The following RREB1 variants were observed in gnomAD, a reference collection of about 807,000 sequenced individuals.
RREB1 encodes ras-responsive element-binding protein 1.
A neutral mutation model predicts 117.8 loss-of-function variants in RREB1; 27 were observed. The ratio of observed to expected loss-of-function variants is 0.23; its 90% confidence interval spans 0.17 to 0.32. The LOEUF is 0.32. Ranked by LOEUF, RREB1 falls within the 10% of genes least tolerant of loss-of-function variation. The pLI is 1.00. For missense variants in RREB1, 2,577 were observed against 2,378.2 expected (o/e 1.08, Z -1.74); for synonymous variants, 1,298 against 1,026.7 (o/e 1.26, Z -5.05).
At chr6:7,223,589 C>CAGG (rs558159186) in intron 8 of RREB1, among the ~76,000 whole-genome samples, 108 of 125,358 alleles carry the variant, frequency 8.6e-4, no homozygotes, top group African/African-American at 3.3e-3. Context: ...GAAGAGTATT[C>CAGG]AGGAAGATCT....
rs114464722 is a variant in RREB1 at position 7,207,779 on chromosome 6, A to G, written c.426-3025A>G. Among the ~76,000 whole-genome samples the G allele has an allele frequency of 3.6e-3, 552 of 152,340 alleles. 1 individual carries two copies. The highest frequency in any genetic ancestry group is 0.017 in the Middle Eastern group (5 of 294). ...TTCACTTTTGAAAAGAGAACGCATT[A>G]CAGAAACGCAGTAGTCCTCTTACAC... On this transcript the variant is annotated intron_variant, in intron 6 of 12. Coordinates refer to ENST00000379938, the MANE Select transcript of RREB1 (RefSeq NM_001003699.4).
intron 1 of RREB1, among the ~76,000 whole-genome samples, chr6:7,169,525 C>A (rs986762212): frequency 6.6e-6 from 1 of 152,236 alleles, no homozygotes; most frequent in African/African-American, 2.4e-5. Context: ...CTCAACTCTT[C>A]CCACAGCTGA....
chr6:7,141,783 G>T (rs1364674700), intron 1 of RREB1, among the ~76,000 whole-genome samples: 1 of 152,254 alleles, frequency 6.6e-6, no homozygotes, highest in Non-Finnish European at 1.5e-5. Context: ...AACCTGGAAG[G>T]AGCGGGGCGT....
intron 1 of RREB1, among the ~76,000 whole-genome samples, chr6:7,137,104 G>A (rs1383807312): frequency 1.3e-5 from 2 of 152,232 alleles, no homozygotes; most frequent in East Asian, 3.8e-4. Context: ...AACATGGGGA[G>A]TTCCCTCCCC....
chr6:7,150,348 G>A (rs566802614), intron 1 of RREB1, among the ~76,000 whole-genome samples: 8 of 152,260 alleles, frequency 5.3e-5, no homozygotes, highest in Middle Eastern at 3.4e-3. Flanking sequence ...TTGCTGTAAC[G>A]CATGGTTAAC....
chr6:7,210,598 G>A (rs183647590), intron 6 of RREB1, among the ~76,000 whole-genome samples: 1 of 152,212 alleles, frequency 6.6e-6, no homozygotes, highest in African/African-American at 2.4e-5. Context: ...ATTAAGCAAC[G>A]CTTTTGGACA....
rs1466093215 is a variant in RREB1 at position 7,231,606 on chromosome 6, G to T, written c.3507G>T (p.Gly1169=). Residue 1169 remains glycine, a synonymous_variant, in exon 10 of 13, where the codon GGG becomes GGT. Transcript: ENST00000379938. ...MRSRPRANSG[G]VDLDSSGEFA... Reference sequence around the variant, plus strand: ...GCCGACCCCGCGCCAACAGCGGCGGGGTGGACCTGGACTCCAGCGGGGAGT... The same window carrying T: ...GCCGACCCCGCGCCAACAGCGGCGGTGTGGACCTGGACTCCAGCGGGGAGT... The T allele has an allele frequency of 2.5e-6, 4 of 1,612,074 alleles. No homozygotes were observed. The highest frequency in any genetic ancestry group is 3.4e-6 in the Non-Finnish European group (4 of 1,179,698).
rs1052194129 is a variant in RREB1 at position 7,229,216 on chromosome 6, A to G, written c.1117A>G (p.Lys373Glu). The change falls in exon 10 of 13, where the codon AAA becomes GAA. Residue 373 changes from lysine (K) to glutamate (E), a missense_variant. Physicochemically the swap from Lys to Glu is moderately conservative, Grantham distance 56. Coordinates refer to ENST00000379938, the MANE Select transcript of RREB1 (RefSeq NM_001003699.4). The surrounding 1 kb of genome is among the most constrained non-coding windows in gnomAD (Gnocchi z 4.5). ...GGCCTTGCTTGGCCTGCAGCACACC[A>G]AAGACGTCAGGCCTGCCCCCGCCGA... ...FLALLGLQHT[K>E]DVRPAPAEEP... 1.1e-5 allele frequency: 17 copies of G among 1,613,372 alleles called. No individual in the cohort carries two copies. Among genetic ancestry groups the G allele is most frequent in the Non-Finnish European group, 1.4e-5 (16 of 1,179,668 alleles).
In RREB1 at chr6:7,230,745, C is replaced by G. The variant is rs749271207; in HGVS notation, c.2646C>G (p.Val882=). 8 of 1,608,086 alleles carry G rather than the reference C, an allele frequency of 5.0e-6. No homozygotes were observed. The highest frequency in any genetic ancestry group is 1.3e-5 in the African/African-American group (1 of 74,802). ...CCACCCAGCCTCCACCTCCCCATGT[C>G]TCGATCAAGTTGGAGCCCGCCAGTA... ...RGPTQPPPPH[V]SIKLEPASSF... The change falls in exon 10 of 13, where the codon GTC becomes GTG. Residue 882 remains valine (V), a synonymous_variant. Transcript: ENST00000379938.
intron 8 of RREB1, chr6:7,217,161 G>T (rs1235569561): frequency 6.6e-6 from 1 of 152,418 alleles, no homozygotes; most frequent in African/African-American, 2.4e-5. Flanking sequence ...CCCCGAGATG[G>T]GCAGGGGAGG....
At chr6:7,209,693 C>A (rs557324210) in intron 6 of RREB1, among the ~76,000 whole-genome samples, 6 of 151,466 alleles carry the variant, frequency 4.0e-5, no homozygotes, top group Non-Finnish European at 5.9e-5. Flanking sequence ...CCACTGCACT[C>A]CAGCCTGGGC....
chr6:7,249,974 G>A lies in RREB1; in HGVS notation c.*1006G>A, dbSNP rs1354092075. Reference sequence around the variant, plus strand: ...GGTGGTAGCTCTTCTACTGTAATGAGACAAGCCTTTCTTCTGTCACTGCAG... The same window carrying A: ...GGTGGTAGCTCTTCTACTGTAATGAAACAAGCCTTTCTTCTGTCACTGCAG... On this transcript the variant is annotated 3_prime_UTR_variant, in exon 13 of 13. Transcript: ENST00000379938. The A allele has an allele frequency of 1.3e-5, 2 of 152,596 alleles. No homozygotes were observed. The highest frequency in any genetic ancestry group is 2.9e-5 in the Non-Finnish European group (2 of 68,036). 9.5% of individuals were successfully genotyped at this position (152,596 alleles called of 1,614,324 possible). A position where few individuals can be genotyped will look rare whatever the true frequency, so the allele number is the denominator to read the frequency against.
chr6:7,180,999 C>T lies in RREB1; in HGVS notation c.-165-125C>T, dbSNP rs548876768. The T allele has an allele frequency of 3.1e-5, 12 of 392,078 alleles. No homozygotes were observed. In the South Asian group the frequency reaches 1.4e-3, roughly 47 times the overall value. The allele number at this position is 392,078 out of a possible 1,614,324, so 24.3% of individuals were successfully genotyped here. On this transcript the variant is annotated intron_variant, in intron 2 of 12. Transcript: ENST00000379938. ...TTGGAAGAAAGAAAGGCAGACATTG[C>T]CTCTCATTTGTGCTCCTTGCATTGT...
At position 7,148,049 on chromosome 6, in the gene RREB1, C is replaced by T. The variant is rs1482352093; in HGVS notation, c.-284-28606C>T. On this transcript the variant is annotated intron_variant, in intron 1 of 12. Transcript: ENST00000379938. ...TAGAGGTCGCTTATTTGGCATTCTTCGGTCCAGAATATTCAGCCGATGTGC... is the reference window on the plus strand; with the variant it reads ...TAGAGGTCGCTTATTTGGCATTCTTTGGTCCAGAATATTCAGCCGATGTGC... 4.6e-5 allele frequency among the ~76,000 whole-genome samples: 7 copies of T among 152,110 alleles called. No homozygotes were observed. In the South Asian group the frequency reaches 1.0e-3, roughly 23 times the overall value.
intron 1 of RREB1, among the ~76,000 whole-genome samples, chr6:7,151,569 G>C (rs375874589): frequency 1.3e-5 from 2 of 152,332 alleles, no homozygotes; most frequent in South Asian, 2.1e-4. Context: ...CATCTGCATA[G>C]ATGTTGCACA....
intron 1 of RREB1, among the ~76,000 whole-genome samples, chr6:7,122,358 C>T (rs185192441): frequency 8.9e-4 from 135 of 152,354 alleles, no homozygotes; most frequent in African/African-American, 3.1e-3. Context: ...CTCGACCTCC[C>T]AGGTTCCAGT....
chr6:7,230,734 C>A lies in RREB1; in HGVS notation c.2635C>A (p.Pro879Thr). 1 of 1,603,420 alleles carries A rather than the reference C, an allele frequency of 6.2e-7. No homozygotes were observed. Among genetic ancestry groups the A allele is most frequent in the Non-Finnish European group, 8.5e-7 (1 of 1,173,814 alleles). The change falls in exon 10 of 13, where the codon CCT becomes ACT. Residue 879 changes from proline to threonine, a missense_variant. Pro to Thr is a conservative substitution (Grantham distance 38). Transcript: ENST00000379938. ...FLHRGPTQPP[P>T]PHVSIKLEPA... The stretch of plus-strand genomic sequence containing the variant: ...TCACAGGGGCCCCACCCAGCCTCCA[C>A]CTCCCCATGTCTCGATCAAGTTGGA...
intron 11 of RREB1, 97 bp downstream of exon 11, chr6:7,240,699 C>G: frequency 9.1e-7 from 1 of 1,099,274 alleles, no homozygotes; most frequent in South Asian, 1.6e-5. Context: ...GGAGGGGCTG[C>G]TTGTTCACTT....
intron 1 of RREB1, among the ~76,000 whole-genome samples, chr6:7,128,397 T>C (rs1762022163): frequency 6.6e-6 from 1 of 152,120 alleles, no homozygotes; most frequent in Non-Finnish European, 1.5e-5. Context: ...TGTCTGAAAG[T>C]GCTGCTTTTA....
Sources: allele counts gnomAD v4.1 joint callset (sites outside exome capture counted in the v4.1 genomes callset), GRCh38; gene constraint gnomAD v4.1.1; non-coding constraint Gnocchi (gnomAD v3.1); transcripts MANE v1.5; gene names NCBI Gene and HGNC (gene_info 2026-07-23, HGNC 2026-07-21).